The following PKHD1 variants were observed in gnomAD, a reference collection of about 807,000 sequenced individuals.
The protein encoded by PKHD1 is PKHD1 ciliary IPT domain containing fibrocystin/polyductin, also known as fibrocystin.
In PKHD1, 291 loss-of-function variants were observed where a neutral mutation model predicts 412.0. The ratio of observed to expected loss-of-function variants is 0.71; its 90% CI spans 0.64 to 0.78. PKHD1 has a LOEUF of 0.78. PKHD1 is among the 30% of genes least tolerant of loss of function. PKHD1 has a pLI of 0.00. For missense variants in PKHD1, 4,825 were observed against 4,950.7 expected, an observed-to-expected ratio of 0.97 and a Z score of 0.76; for synonymous variants, 1,777 against 1,821.5, an observed-to-expected ratio of 0.98 and a Z score of 0.62.
intron 52 of PKHD1, among the ~76,000 whole-genome samples, chr6:51,812,077 G>C (rs745948200): frequency 6.6e-6 from 1 of 152,186 alleles, no homozygotes; most frequent in Non-Finnish European, 1.5e-5. Context: ...CCAGCATGGA[G>C]AGAGCAGCAG....
rs945323322 is a variant in PKHD1, at chr6:51,903,516, C to A, written c.6996+81G>T. On this transcript the variant is annotated intron_variant, in intron 43 of 66. Coordinates refer to ENST00000371117, the MANE Select transcript of PKHD1 (RefSeq NM_138694.4). The stretch of plus-strand genomic sequence containing the variant: ...TTCTTCCAATGTGGCCCAGGGAAGC[C>A]AAAAGGTTGGACACCCCTGATTGAG... 4 of 1,294,444 alleles carry A rather than the reference C, an allele frequency of 3.1e-6. No individual in the cohort carries two copies. In the African/African-American group the frequency reaches 5.9e-5, roughly 19 times the overall value. The allele number at this position is 1,294,444 out of a possible 1,614,324, so 80.2% of individuals were successfully genotyped here.
chr6:51,896,858 G>A (rs1227776899), intron 43 of PKHD1, among the ~76,000 whole-genome samples: 10 of 152,098 alleles, frequency 6.6e-5, no homozygotes, highest in Non-Finnish European at 8.8e-5. Context: ...CGAGAACTAC[G>A]TGAAGAATGC....
At chr6:51,931,768 G>A (rs964386472) in intron 37 of PKHD1, among the ~76,000 whole-genome samples, 15 of 152,074 alleles carry the variant, frequency 9.9e-5, no homozygotes, top group African/African-American at 3.6e-4. Context: ...AAATGCTTTG[G>A]GGAATGTTTA....
At chr6:51,761,009 T>C (rs931043484) in intron 55 of PKHD1, among the ~76,000 whole-genome samples, 12 of 152,104 alleles carry the variant, frequency 7.9e-5, no homozygotes, top group Admixed American at 5.2e-4. Context: ...ACAACCGTTA[T>C]AGAAAAGAGT....
chr6:51,782,899 A>G (rs1324980502), intron 53 of PKHD1, among the ~76,000 whole-genome samples: 4 of 152,158 alleles, frequency 2.6e-5, no homozygotes, highest in African/African-American at 7.2e-5. Flanking sequence ...AATGAGCCTT[A>G]CAGAACTGTC....
At chr6:51,633,136 C>A (rs533470099) in intron 64 of PKHD1, among the ~76,000 whole-genome samples, 3 of 152,226 alleles carry the variant, frequency 2.0e-5, no homozygotes, top group Admixed American at 2.0e-4. Context: ...TATAACACAT[C>A]AAAACAGGGG....
At chr6:51,840,388 G>A (rs749764396) in intron 50 of PKHD1, among the ~76,000 whole-genome samples, 3 of 152,088 alleles carry the variant, frequency 2.0e-5, no homozygotes, top group East Asian at 1.9e-4. Flanking sequence ...ATTCACTTAT[G>A]AAACAGTGAA....
intron 35 of PKHD1, among the ~76,000 whole-genome samples, chr6:51,967,805 G>T (rs1393084156): frequency 6.6e-6 from 1 of 152,164 alleles, no homozygotes; most frequent in Non-Finnish European, 1.5e-5. Context: ...TAACCAGCGA[G>T]CATGGAGCAC....
At chr6:51,971,319 A>C (rs191462004) in intron 35 of PKHD1, among the ~76,000 whole-genome samples, 112 of 152,288 alleles carry the variant, frequency 7.4e-4, no homozygotes, top group African/African-American at 2.0e-3. Flanking sequence ...TTTCACAGAG[A>C]CCATGTTTAG....
chr6:52,059,259 C>CTTTTTTTTTTTT lies in PKHD1; in HGVS notation c.1233+657_1234-659dup, dbSNP rs55992586. 3.7e-3 allele frequency among the ~76,000 whole-genome samples: 307 copies of CTTTTTTTTTTTT among 83,528 alleles called. 5 individuals carry two copies. Among genetic ancestry groups the CTTTTTTTTTTTT allele is most frequent in the African/African-American group, 8.8e-3 (169 of 19,182 alleles). 54.8% of individuals were successfully genotyped at this position (83,528 alleles called of 152,430 possible). On this transcript the variant is annotated intron_variant, in intron 15 of 66. Coordinates refer to ENST00000371117, the MANE Select transcript of PKHD1 (RefSeq NM_138694.4). Reference sequence around the variant, plus strand: ...CTTTCTTTTTTTTCTTTTTCTTTTTCTTTTTTTTTTTTTTTTTTTTTTTTG... The same window carrying CTTTTTTTTTTTT: ...CTTTCTTTTTTTTCTTTTTCTTTTTCTTTTTTTTTTTTTTTTTTTTTTTTTTTTTTTTTTTTG...
At position 52,024,660 on chromosome 6, in the gene PKHD1, C is replaced by G; in HGVS notation, c.5150G>C (p.Arg1717Thr). ...PSLPAGEYHV[R>T]GYDCIRGWAS... The stretch of plus-strand genomic sequence containing the variant: ...CCACCCTCTGATGCAGTCATAGCCT[C>G]TGACGTGGTACTCCCCGGCCGGAAG... The change falls in exon 32 of 67, where the codon AGA becomes ACA. Residue 1717 changes from arginine (R) to threonine (T), a missense_variant. Physicochemically the swap from Arg to Thr is moderately conservative, Grantham distance 71. Coordinates refer to ENST00000371117, the MANE Select transcript of PKHD1 (RefSeq NM_138694.4). 1 of 1,614,218 alleles carries G rather than the reference C, an allele frequency of 6.2e-7. No homozygotes were observed. Among genetic ancestry groups the G allele is most frequent in the Non-Finnish European group, 8.5e-7 (1 of 1,180,020 alleles).
intron 60 of PKHD1, among the ~76,000 whole-genome samples, chr6:51,701,479 C>A (rs1779394726): frequency 6.6e-6 from 1 of 152,066 alleles, no homozygotes; most frequent in South Asian, 2.1e-4. Context: ...TTAAAATAAT[C>A]CTCATTATAA....
At position 51,657,827 on chromosome 6, in the gene PKHD1, A is replaced by G. The variant is rs140764622; in HGVS notation, c.11174+1125T>C. Among the ~76,000 whole-genome samples, 122 of 152,206 alleles carry G rather than the reference A, an allele frequency of 8.0e-4. 1 individual carries two copies. The East Asian group carries it at 0.022, about 28-fold the overall frequency. On this transcript the variant is annotated intron_variant, in intron 61 of 66. Coordinates refer to ENST00000371117, the MANE Select transcript of PKHD1 (RefSeq NM_138694.4). ...GTTTCTAGTTAAAAGCACAATATTAACTGAGTCGTCTTTTATATATAATAT... is the reference window on the plus strand; with the variant it reads ...GTTTCTAGTTAAAAGCACAATATTAGCTGAGTCGTCTTTTATATATAATAT...
intron 52 of PKHD1, among the ~76,000 whole-genome samples, chr6:51,813,837 T>A (rs1765056426): frequency 6.6e-6 from 1 of 152,194 alleles, no homozygotes; most frequent in Admixed American, 6.5e-5. Context: ...ATGTTATTAA[T>A]AAAATACTAT....
chr6:51,809,424 C>T (rs1375061035), intron 52 of PKHD1, among the ~76,000 whole-genome samples: 1 of 152,060 alleles, frequency 6.6e-6, no homozygotes, highest in African/African-American at 2.4e-5. Flanking sequence ...TCTCCTGCCT[C>T]TTCCTATGAC....
rs398124480 is a variant in PKHD1, at chr6:52,046,144, G to A, written c.2452C>T (p.Gln818Ter). Residue 818 changes from glutamine (Q) to a stop codon, truncating the protein, a stop_gained, in exon 24 of 67, where the codon CAG (glutamine) becomes TAG (stop). Transcript: ENST00000371117. LOFTEE classifies it high-confidence loss of function. The stretch of plus-strand genomic sequence containing the variant: ...GATGTGAAGTCATCGGCATTATTCT[G>A]TAAGAGCTGGTGAAGGTGATGAGCA... ...ISAHHLHQLLQNNADDFTSRY... is the reference protein window; with the variant it reads ...ISAHHLHQLL 2.5e-6 allele frequency: 4 copies of A among 1,613,674 alleles called. No individual in the cohort carries two copies. Among genetic ancestry groups the A allele is most frequent in the Middle Eastern group, 1.7e-4 (1 of 6,058 alleles).
chr6:52,007,052 T>C (rs1474748726), intron 35 of PKHD1, among the ~76,000 whole-genome samples: 1 of 152,244 alleles, frequency 6.6e-6, no homozygotes, highest in Non-Finnish European at 1.5e-5. Context: ...TAGTATTCCA[T>C]TATATATACA....
Position 51,744,493 on chromosome 6 carries a change from T to C in PKHD1, c.10048A>G (p.Arg3350Gly), listed in dbSNP as rs1784950983. ...VCPELDCASP[R>G]KYLFKDLDGR... Reference sequence around the variant, plus strand: ...TCCAGATCCTTGAAGAGATATTTTCTTGGACTTGCACAGTCTAATTCAGGA... The same window carrying C: ...TCCAGATCCTTGAAGAGATATTTTCCTGGACTTGCACAGTCTAATTCAGGA... Residue 3350 changes from arginine to glycine, a missense_variant, in exon 60 of 67, where the codon AGA (arginine) becomes GGA (glycine). Physicochemically the swap from Arg to Gly is moderately radical, Grantham distance 125. Coordinates refer to ENST00000371117, the MANE Select transcript of PKHD1 (RefSeq NM_138694.4). The C allele has an allele frequency of 1.9e-6, 3 of 1,613,302 alleles. No individual in the cohort carries two copies. In the South Asian group the frequency reaches 3.3e-5, roughly 18 times the overall value.
intron 49 of PKHD1, among the ~76,000 whole-genome samples, chr6:51,850,560 T>C (rs554945771): frequency 2.3e-3 from 345 of 152,342 alleles, no homozygotes; most frequent in Non-Finnish European, 3.9e-3. Context: ...GTGTCCTCTC[T>C]TATTTCCTTG....
Sources: allele counts gnomAD v4.1 joint callset (sites outside exome capture counted in the v4.1 genomes callset), GRCh38; gene constraint gnomAD v4.1.1; transcripts MANE v1.5; gene names NCBI Gene and HGNC (gene_info 2026-07-23, HGNC 2026-07-21).